The following RNF125 variants were observed in gnomAD, a reference collection of about 807,000 sequenced individuals.
RNF125 encodes ring finger protein 125, also known as E3 ubiquitin-protein ligase RNF125.
Under a neutral mutation model 26.0 loss-of-function variants are expected in RNF125, and 21 were observed. The ratio of observed to expected loss-of-function variants is 0.81; its 90% confidence interval spans 0.57 to 1.16. The LOEUF (loss-of-function observed/expected upper bound fraction) is 1.16, where lower values mean the gene tolerates loss of function less well. RNF125 is among the 50% of genes most tolerant of loss of function. The probability of loss-of-function intolerance (pLI) is 0.00; values close to 1 mark genes in which losing one functional copy is unlikely to be tolerated. For missense variants in RNF125, 270 were observed against 299.4 expected, an observed-to-expected ratio of 0.90 and a Z score of 0.72; for synonymous variants, 95 against 109.2, an observed-to-expected ratio of 0.87 and a Z score of 0.81.
intron 1 of RNF125, among the ~76,000 whole-genome samples, chr18:32,036,026 T>G (rs111854580): frequency 6.6e-6 from 1 of 151,734 alleles, no homozygotes; most frequent in African/African-American, 2.4e-5. Context: ...TGGTGGTGGG[T>G]GCCAGTAATC....
intron 1 of RNF125, among the ~76,000 whole-genome samples, chr18:32,026,872 C>A (rs2039041738): frequency 6.6e-6 from 1 of 152,170 alleles, no homozygotes; most frequent in African/African-American, 2.4e-5. Flanking sequence ...AAAGTTGCAA[C>A]CCTTTCAAAA....
chr18:32,049,159 C>A (rs2039300871), intron 4 of RNF125, among the ~76,000 whole-genome samples: 1 of 152,146 alleles, frequency 6.6e-6, no homozygotes, highest in African/African-American at 2.4e-5. Context: ...GAAGGTGGCC[C>A]ATGAAGCTAG....
At chr18:32,043,579 A>G (rs753150660) in intron 3 of RNF125, among the ~76,000 whole-genome samples, 36 of 152,216 alleles carry the variant, frequency 2.4e-4, no homozygotes, top group Non-Finnish European at 4.9e-4. Context: ...TAGATTGACC[A>G]CAATGACCAA....
chr18:32,073,577 C>A (rs2144526899), downstream of RNF125, among the ~76,000 whole-genome samples: 1 of 152,302 alleles, frequency 6.6e-6, no homozygotes, highest in East Asian at 1.9e-4. Flanking sequence ...ATTTGTTCTG[C>A]TAGCAAGAGG....
the RNF125 span, among the ~76,000 whole-genome samples, chr18:32,086,004 TAGG>T: frequency 6.6e-6 from 1 of 152,130 alleles, no homozygotes; most frequent in Non-Finnish European, 1.5e-5. Context: ...GATTAACAGA[TAGG>T]AGGGAGGGCA....
chr18:32,056,010 TAAAAATTAAA>T (rs1208354632), intron 4 of RNF125, among the ~76,000 whole-genome samples: 2 of 148,114 alleles, frequency 1.4e-5, no homozygotes, highest in African/African-American at 2.5e-5. Context: ...AAAGAACATT[TAAAAATTAAA>T]AAAAATTTAA....
the RNF125 span, among the ~76,000 whole-genome samples, chr18:32,089,921 A>T: frequency 6.6e-6 from 1 of 152,224 alleles, no homozygotes; most frequent in African/African-American, 2.4e-5. Flanking sequence ...CTAAATGGTC[A>T]GAATGAATGA....
At chr18:32,030,445 C>A (rs2039082135) in intron 1 of RNF125, among the ~76,000 whole-genome samples, 2 of 152,224 alleles carry the variant, frequency 1.3e-5, no homozygotes, top group South Asian at 4.1e-4. Flanking sequence ...CAAGTATGAG[C>A]AGTAAAGCGT....
chr18:32,037,319 C>T (rs372747237), intron 2 of RNF125, 50 bp downstream of exon 2: 36 of 1,177,988 alleles, frequency 3.1e-5, no homozygotes, highest in East Asian at 8.9e-5. Flanking sequence ...TAAGTCCCTG[C>T]GAAAGTTATC....
chr18:32,047,411 T>C (rs1321771094), intron 4 of RNF125, among the ~76,000 whole-genome samples: 3 of 152,244 alleles, frequency 2.0e-5, no homozygotes, highest in Non-Finnish European at 2.9e-5. Context: ...TTGGAATTTT[T>C]CTAAGAGGAA....
rs563350310 is a variant in RNF125 at position 32,041,025 on chromosome 18, G to A, written c.319-1154G>A. Among the ~76,000 whole-genome samples the A allele has an allele frequency of 2.1e-3, 313 of 152,142 alleles. 2 individuals carry two copies. The highest frequency in any genetic ancestry group is 7.1e-3 in the African/African-American group (295 of 41,498). On this transcript the variant is annotated intron_variant, in intron 2 of 5. Transcript: ENST00000217740. ...ACAATTATAACTGTTTCCTTGACAC[G>A]GCAGATTTCATGTTTGAGGTTTAAC...
At chr18:32,082,325 AAC>A in the RNF125 span, among the ~76,000 whole-genome samples, 6 of 151,314 alleles carry the variant, frequency 4.0e-5, no homozygotes, top group African/African-American at 9.7e-5. Flanking sequence ...TACACACACA[AAC>A]ACACACACAC....
chr18:32,076,197 G>A (rs2039569293), downstream of RNF125: 4 of 502,080 alleles, frequency 8.0e-6, no homozygotes, highest in Admixed American at 8.2e-5. Context: ...GGCCCAATAA[G>A]AACCTGGTGT....
Position 32,018,928 on chromosome 18 carries a change from T to C in RNF125, c.65T>C (p.Leu22Pro), listed in dbSNP as rs1197994094. 3 of 1,612,212 alleles carry C rather than the reference T, an allele frequency of 1.9e-6. No homozygotes were observed. The highest frequency in any genetic ancestry group is 1.7e-5 in the Admixed American group (1 of 59,762). The change falls in exon 1 of 6, where the codon CTG (leucine) becomes CCG (proline). Residue 22 changes from leucine to proline, a missense_variant. By Grantham distance (98) the Leu-to-Pro change is moderately conservative. Transcript: ENST00000217740. Reference sequence around the variant, plus strand: ...CCCGCCTCTGCCACCGCGCGGGCCCTGGAGCGCAGGAGGGACCCGGAGTTG... The same window carrying C: ...CCCGCCTCTGCCACCGCGCGGGCCCCGGAGCGCAGGAGGGACCCGGAGTTG... ...SAPASATARALERRRDPELPV... is the reference protein window; with the variant it reads ...SAPASATARAPERRRDPELPV...
chr18:32,075,018 G>A (rs79913702), downstream of RNF125, among the ~76,000 whole-genome samples: 2,288 of 152,138 alleles, frequency 0.015, 66 homozygotes, highest in African/African-American at 0.052. Context: ...TATTTTCTCA[G>A]TGTACTCCTT....
Position 32,045,644 on chromosome 18 carries a change from G to T in RNF125, c.416G>T (p.Cys139Phe), listed in dbSNP as rs769683921. Residue 139 changes from cysteine to phenylalanine, a missense_variant and splice_region_variant, in exon 4 of 6, where the codon TGT (cysteine) becomes TTT (phenylalanine). By Grantham distance (205) the Cys-to-Phe change is radical. Coordinates refer to ENST00000217740, the MANE Select transcript of RNF125 (RefSeq NM_017831.4). ...TTTGTATTCTGTGCTATTTCCAGGT[G>T]TGTATGTCCCTTTTGTCAGAGGGAA... ...LQELEETAAR[C>F]VCPFCQRELY... The T allele has an allele frequency of 6.2e-7, 1 of 1,602,100 alleles. No individual in the cohort carries two copies. Among genetic ancestry groups the T allele is most frequent in the Non-Finnish European group, 8.5e-7 (1 of 1,171,166 alleles).
At chr18:32,027,227 CTTTT>C (rs770091087) in intron 1 of RNF125, among the ~76,000 whole-genome samples, 7 of 131,870 alleles carry the variant, frequency 5.3e-5, no homozygotes, top group Admixed American at 1.5e-4. Context: ...AGGATGGAGT[CTTTT>C]TTTTTTTTTT....
rs1329243337 is a variant in RNF125 at position 32,072,367 on chromosome 18, T to C, written c.*3983T>C. 6.6e-6 allele frequency: 1 copy of C among 152,228 alleles called. No individual in the cohort carries two copies. Among genetic ancestry groups the C allele is most frequent in the African/African-American group, 2.4e-5 (1 of 41,454 alleles). The allele number at this position is 152,228 out of a possible 1,614,324, so 9.4% of individuals were successfully genotyped here. On this transcript the variant is annotated 3_prime_UTR_variant, in exon 6 of 6. Coordinates refer to ENST00000217740, the MANE Select transcript of RNF125 (RefSeq NM_017831.4). ...TATTTTTAAGCATTGGTGTTGACCA[T>C]GCAGACAAACTTTTGTTAATTCAGA...
At chr18:32,063,152 G>A (rs868385796) in intron 4 of RNF125, among the ~76,000 whole-genome samples, 2 of 150,906 alleles carry the variant, frequency 1.3e-5, no homozygotes, top group Non-Finnish European at 2.9e-5. Flanking sequence ...CCCAGGAGGC[G>A]GAGGTTGCAG....
Sources: allele counts gnomAD v4.1 joint callset (sites outside exome capture counted in the v4.1 genomes callset), GRCh38; gene constraint gnomAD v4.1.1; transcripts MANE v1.5; gene names NCBI Gene and HGNC (gene_info 2026-07-23, HGNC 2026-07-21).